The following ATG9A variants were observed in gnomAD, a reference collection of about 807,000 sequenced individuals.
ATG9A encodes autophagy related 9A, also known as autophagy-related protein 9A.
Under a neutral mutation model 87.1 loss-of-function variants are expected in ATG9A, and 21 were observed. That is an observed-to-expected ratio of 0.24 (90% CI 0.17 to 0.35). ATG9A has a LOEUF of 0.35. ATG9A is among the 10% of genes least tolerant of loss of function. The pLI is 1.00. For synonymous variants in ATG9A, 422 were observed against 441.3 expected, an observed-to-expected ratio of 0.96 and a Z score of 0.55; for missense variants, 836 against 1,107.3, an observed-to-expected ratio of 0.76 and a Z score of 3.48.
rs888757225 is a variant in ATG9A at position 219,223,244 on chromosome 2, C to G, written c.1599+341G>C. On this transcript the variant is annotated intron_variant, in intron 10 of 15. Transcript: ENST00000361242. This position sits in a 1 kb window ranked among gnomAD's most constrained non-coding sequence, Gnocchi z 4.7. ...CTGGGACTACAGGCGCCCGCTACCA[C>G]GCCTGGCTAATTTTTTTGTATTTTT... Among the ~76,000 whole-genome samples the G allele has an allele frequency of 1.3e-5, 2 of 152,214 alleles. No individual in the cohort carries two copies. Among genetic ancestry groups the G allele is most frequent in the Admixed American group, 1.3e-4 (2 of 15,284 alleles).
chr2:219,222,878 G>T lies in ATG9A; in HGVS notation c.1615C>A (p.Gln539Lys), dbSNP rs1236436560. 1 of 1,614,050 alleles carries T rather than the reference G, an allele frequency of 6.2e-7. No homozygotes were observed. Among genetic ancestry groups the T allele is most frequent in the Non-Finnish European group, 8.5e-7 (1 of 1,180,020 alleles). The change falls in exon 11 of 16, where the codon CAG becomes AAG. Residue 539 changes from glutamine (Q) to lysine (K), a missense_variant. Physicochemically the swap from Gln to Lys is moderately conservative, Grantham distance 53. Coordinates refer to ENST00000361242, the MANE Select transcript of ATG9A (RefSeq NM_001077198.3). This position sits in a 1 kb window ranked among gnomAD's most constrained non-coding sequence, Gnocchi z 4.3. ...TGCTGGTACACTGAGGCCTCTGTCT[G>T]CCCAGCAGATAGCCACTGCACAAGG... Reference protein sequence around the residue: ...HGHPQWLSAGQTEASVYQQAE... With the variant: ...HGHPQWLSAGKTEASVYQQAE...
At chr2:219,226,844 A>G (rs1950871228) in intron 5 of ATG9A, 25 bp downstream of exon 5, 1 of 1,596,716 alleles carries the variant, frequency 6.3e-7, no homozygotes, top group Admixed American at 1.7e-5. Flanking sequence ...CTTTCACCAC[A>G]TCATCTGTCC....
rs1394036417 is a variant in ATG9A, at chr2:219,222,781, C to T, written c.1712G>A (p.Arg571His). Reference protein sequence around the residue: ...AITNPGWQPPRESTAFLGFLK... With the variant: ...AITNPGWQPPHESTAFLGFLK... ...GAAGCCTAGGAAGGCTGTGCTCTCACGTGGTGGCTGCCAGCCAGGGTTGGT... is the reference window on the plus strand; with the variant it reads ...GAAGCCTAGGAAGGCTGTGCTCTCATGTGGTGGCTGCCAGCCAGGGTTGGT... Residue 571 changes from arginine (R) to histidine (H), a missense_variant, in exon 11 of 16, where the codon CGT (arginine) becomes CAT (histidine). By Grantham distance (29) the Arg-to-His change is conservative (BLOSUM62 0). This residue lies in a region of ATG9A where 512 missense variants were observed against 759.6 expected (regional missense o/e 0.67). Transcript: ENST00000361242. The surrounding 1 kb of genome is among the most constrained non-coding windows in gnomAD (Gnocchi z 4.3). The T allele has an allele frequency of 5.0e-6, 8 of 1,614,226 alleles. No individual in the cohort carries two copies. The highest frequency in any genetic ancestry group is 2.2e-5 in the East Asian group (1 of 44,882).
In ATG9A at chr2:219,227,997, G is replaced by C; in HGVS notation, c.28C>G (p.Arg10Gly). MAQFDTEYQ[R>G]LEASYSDSPP... ...GAATCACTATAGGAGGCCTCTAGGC[G>C]CTGGTATTCAGTGTCAAACTGCGCC... is the stretch of plus-strand genomic sequence containing the variant. The change falls in exon 3 of 16, where the codon CGC (arginine) becomes GGC (glycine). Residue 10 changes from arginine (R) to glycine (G), a missense_variant. Physicochemically the swap from Arg to Gly is moderately radical, Grantham distance 125. Coordinates refer to ENST00000361242, the MANE Select transcript of ATG9A (RefSeq NM_001077198.3). 1 of 1,614,044 alleles carries C rather than the reference G, an allele frequency of 6.2e-7. No homozygotes were observed. Among genetic ancestry groups the C allele is most frequent in the Non-Finnish European group, 8.5e-7 (1 of 1,179,952 alleles).
rs1270049698 is a variant in ATG9A at position 219,220,036 on chromosome 2, T to C, written c.*411A>G. The C allele has an allele frequency of 2.7e-5, 6 of 222,424 alleles. No individual in the cohort carries two copies. Among genetic ancestry groups the C allele is most frequent in the Non-Finnish European group, 4.5e-5 (5 of 110,700 alleles). The allele number at this position is 222,424 out of a possible 1,614,324, so 13.8% of individuals were successfully genotyped here. ...CATCTATTGAGGGGGCTAGGGAAGG[T>C]TGCAGGGGTTGAGGGTCCAGGCCCA... On this transcript the variant is annotated 3_prime_UTR_variant, in exon 16 of 16. Coordinates refer to ENST00000361242, the MANE Select transcript of ATG9A (RefSeq NM_001077198.3).
rs1043091912 is a variant in ATG9A, at chr2:219,223,828, C to T, written c.1419+41G>A. On this transcript the variant is annotated intron_variant, in intron 9 of 15. Coordinates refer to ENST00000361242, the MANE Select transcript of ATG9A (RefSeq NM_001077198.3). The surrounding 1 kb of genome is among the most constrained non-coding windows in gnomAD (Gnocchi z 4.7). ...GAGCCCAGCCCTCACCACCGAGCTA[C>T]CAGCCAGTCTCTAGCAGGCCCTAAC... 6.2e-6 allele frequency: 10 copies of T among 1,613,960 alleles called. No homozygotes were observed. The highest frequency in any genetic ancestry group is 8.5e-6 in the Non-Finnish European group (10 of 1,180,020).
Position 219,223,877 on chromosome 2 carries a change from A to G in ATG9A, c.1411T>C (p.Tyr471His). The G allele has an allele frequency of 6.2e-7, 1 of 1,614,062 alleles. No homozygotes were observed. Among genetic ancestry groups the G allele is most frequent in the Non-Finnish European group, 8.5e-7 (1 of 1,180,024 alleles). ...ACTCCAACTCCACTCACTGCCTTGT[A>G]CTGGAAGAGCTGGGCAAACTCGTCC... ...TRDEFAQLFQYKAVFILEELL... is the reference protein window; with the variant it reads ...TRDEFAQLFQHKAVFILEELL... Residue 471 changes from tyrosine to histidine, a missense_variant, in exon 9 of 16, where the codon TAC becomes CAC. Around this residue, in one of 2 missense-constraint regions of ATG9A, gnomAD observed 512 missense variants for 759.6 expected, o/e 0.67. Transcript: ENST00000361242. The surrounding 1 kb of genome is among the most constrained non-coding windows in gnomAD (Gnocchi z 4.7).
chr2:219,220,291 C>T lies in ATG9A; in HGVS notation c.*156G>A. 1.0e-6 allele frequency: 1 copy of T among 986,458 alleles called. No individual in the cohort carries two copies. The allele number at this position is 986,458 out of a possible 1,614,324, so 61.1% of individuals were successfully genotyped here. ...TTCCTCTCCTGGGGCTGTGGCAAGC[C>T]CAGTGTTGGCACCTCCCTTGGCCAG... On this transcript the variant is annotated 3_prime_UTR_variant, in exon 16 of 16. Coordinates refer to ENST00000361242, the MANE Select transcript of ATG9A (RefSeq NM_001077198.3).
At chr2:219,225,827 T>TCC (rs2106443277) in intron 5 of ATG9A, among the ~76,000 whole-genome samples, 1 of 152,340 alleles carries the variant, frequency 6.6e-6, no homozygotes, top group African/African-American at 2.4e-5. Context: ...TACTGGACTC[T>TCC]CGAAGGTTTC....
chr2:219,222,901 AG>A lies in ATG9A; in HGVS notation c.1600-9del. 6.2e-7 allele frequency: 1 copy of A among 1,613,792 alleles called. No homozygotes were observed. The highest frequency in any genetic ancestry group is 8.5e-7 in the Non-Finnish European group (1 of 1,179,946). ...CTGCCCAGCAGATAGCCACTGCACAAGGAAGAGCAGAGTAAGCAGGGCTGTT... is the reference window on the plus strand; with the variant it reads ...CTGCCCAGCAGATAGCCACTGCACAAGAAGAGCAGAGTAAGCAGGGCTGTT... On this transcript the variant is annotated splice_polypyrimidine_tract_variant and intron_variant, in intron 10 of 15. Coordinates refer to ENST00000361242, the MANE Select transcript of ATG9A (RefSeq NM_001077198.3). The surrounding 1 kb of genome is among the most constrained non-coding windows in gnomAD (Gnocchi z 4.3).
chr2:219,227,043 A>G, intron 4 of ATG9A, 110 bp from the exon 5 acceptor site: 1 of 893,578 alleles, frequency 1.1e-6, no homozygotes, highest in Non-Finnish European at 1.8e-6. Context: ...TAGCTGTGTG[A>G]CTTTACCAAG....
At position 219,224,665 on chromosome 2, in the gene ATG9A, C is replaced by T. The variant is rs1950825957; in HGVS notation, c.706G>A (p.Gly236Ser). 1.2e-6 allele frequency: 2 copies of T among 1,614,076 alleles called. No individual in the cohort carries two copies. The highest frequency in any genetic ancestry group is 1.3e-5 in the African/African-American group (1 of 74,928). The change falls in exon 8 of 16, where the codon GGC becomes AGC. Residue 236 changes from glycine (G) to serine (S), a missense_variant. Around this residue, in one of 2 missense-constraint regions of ATG9A, gnomAD observed 512 missense variants for 759.6 expected, o/e 0.67. Coordinates refer to ENST00000361242, the MANE Select transcript of ATG9A (RefSeq NM_001077198.3). This position sits in a 1 kb window ranked among gnomAD's most constrained non-coding sequence, Gnocchi z 7.7. The stretch of plus-strand genomic sequence containing the variant: ...GTGAAGAAGACAGCTTCCCCGAGGC[C>T]AGGCAGGCGGAAGCGCAGAGGCAGG... ...SLLPLRFRLP[G>S]LGEAVFFTRG...
intron 5 of ATG9A, among the ~76,000 whole-genome samples, chr2:219,226,580 A>G (rs1186698281): frequency 6.6e-6 from 1 of 151,990 alleles, no homozygotes; most frequent in Non-Finnish European, 1.5e-5. Flanking sequence ...CCCAGCTACT[A>G]AGGAGGCTGA....
chr2:219,226,258 G>C (rs1382997947), intron 5 of ATG9A, among the ~76,000 whole-genome samples: 1 of 152,092 alleles, frequency 6.6e-6, no homozygotes. Context: ...TTACAGGCGT[G>C]TGCCACCACA....
At position 219,220,755 on chromosome 2, in the gene ATG9A, C is replaced by T; in HGVS notation, c.2506G>A (p.Val836Met). ...EGSEDELPPQ[V>M]HKV ...GGCCCCGGGGCCCTTACCTTGTGCA[C>T]CTGAGGGGGTAGCTCATCCTCCGAG... is the stretch of plus-strand genomic sequence containing the variant. The change falls in exon 15 of 16, where the codon GTG becomes ATG. Residue 836 changes from valine (V) to methionine (M), a missense_variant. Coordinates refer to ENST00000361242, the MANE Select transcript of ATG9A (RefSeq NM_001077198.3). 2.5e-6 allele frequency: 4 copies of T among 1,613,310 alleles called. No individual in the cohort carries two copies. Among genetic ancestry groups the T allele is most frequent in the Non-Finnish European group, 8.5e-7 (1 of 1,179,900 alleles).
rs368938124 is a variant in ATG9A, at chr2:219,222,698, G to A, written c.1795C>T (p.Leu599Phe). Residue 599 changes from leucine to phenylalanine, a missense_variant, in exon 11 of 16, where the codon CTC becomes TTC. By Grantham distance (22) the Leu-to-Phe change is conservative. Coordinates refer to ENST00000361242, the MANE Select transcript of ATG9A (RefSeq NM_001077198.3). This position sits in a 1 kb window ranked among gnomAD's most constrained non-coding sequence, Gnocchi z 4.3. ...AAASLAQGGL[L>F]PENALFTSIQ... Reference sequence around the variant, plus strand: ...GACGTAAAGAGGGCATTTTCAGGGAGCAGACCCCCTTGGGCGAGGCTAGCA... The same window carrying A: ...GACGTAAAGAGGGCATTTTCAGGGAACAGACCCCCTTGGGCGAGGCTAGCA... 40 of 1,614,088 alleles carry A rather than the reference G, an allele frequency of 2.5e-5. No homozygotes were observed. The African/African-American group carries it at 4.8e-4, about 19-fold the overall frequency.
In ATG9A at chr2:219,222,247, C is replaced by G. The variant is rs1486527034; in HGVS notation, c.2027+25G>C. The stretch of plus-strand genomic sequence containing the variant: ...AAGCTGCTGAGGGCTGCCGTGCCCT[C>G]CCATCTTGGCCCCGATTTACTCACC... On this transcript the variant is annotated intron_variant, in intron 12 of 15. Transcript: ENST00000361242. This position sits in a 1 kb window ranked among gnomAD's most constrained non-coding sequence, Gnocchi z 4.3. 6.2e-7 allele frequency: 1 copy of G among 1,613,512 alleles called. No homozygotes were observed. Among genetic ancestry groups the G allele is most frequent in the South Asian group, 1.1e-5 (1 of 91,074 alleles).
chr2:219,226,965 G>A (rs1950873945), intron 4 of ATG9A, 32 bp from the exon 5 acceptor site: 2 of 1,575,786 alleles, frequency 1.3e-6, no homozygotes, highest in Admixed American at 3.3e-5. Context: ...AGTCAGTAAA[G>A]AAAGCAGGTA....
At chr2:219,228,374 G>A (rs935741869) in intron 2 of ATG9A, 60 bp downstream of exon 2, 6 of 266,460 alleles carry the variant, frequency 2.3e-5, no homozygotes, top group African/African-American at 1.1e-4. Flanking sequence ...GGTCTCCCAA[G>A]AGACTAACAG....
Sources: allele counts gnomAD v4.1 joint callset (sites outside exome capture counted in the v4.1 genomes callset), GRCh38; gene constraint gnomAD v4.1.1; regional missense constraint gnomAD v4.1.1; non-coding constraint Gnocchi (gnomAD v3.1); transcripts MANE v1.5; gene names NCBI Gene and HGNC (gene_info 2026-07-23, HGNC 2026-07-21).